MECOM: variants seen among roughly 807,000 people sequenced by gnomAD.
MECOM encodes MDS1 and EVI1 complex locus, also known as histone-lysine N-methyltransferase MECOM.
In MECOM, 13 loss-of-function variants were observed where a neutral mutation model predicts 116.3. The observed-to-expected ratio is 0.11, with a 90% CI of 0.07 to 0.18. MECOM has a LOEUF of 0.18. MECOM is among the 10% of genes least tolerant of loss of function. MECOM has a pLI of 1.00. For missense variants in MECOM, 1,299 were observed against 1,509.0 expected, an observed-to-expected ratio of 0.86 and a Z score of 2.31; for synonymous variants, 528 against 535.2, an observed-to-expected ratio of 0.99 and a Z score of 0.19.
chr3:169,611,373 C>T lies in MECOM; in HGVS notation c.37+51963G>A, dbSNP rs530669578. Among the ~76,000 whole-genome samples, 55 of 152,242 alleles carry T rather than the reference C, an allele frequency of 3.6e-4. No individual in the cohort carries two copies. The South Asian group carries it at 0.01, about 29-fold the overall frequency. ...TGGGATCCTGCAGCTCTCAACCATG[C>T]GGAGGAACGCTTCCATTCACACATT... On this transcript the variant is annotated intron_variant, in intron 1 of 16. Coordinates refer to ENST00000651503, the MANE Select transcript of MECOM (RefSeq NM_004991.4). The surrounding 1 kb of genome is among the most constrained non-coding windows in gnomAD (Gnocchi z 4.1).
At chr3:169,566,428 C>T (rs1763251557) in intron 1 of MECOM, among the ~76,000 whole-genome samples, 1 of 152,192 alleles carries the variant, frequency 6.6e-6, no homozygotes, top group Non-Finnish European at 1.5e-5. Context: ...GCCCTCTCTG[C>T]TCTGCAGATC....
intron 4 of MECOM, among the ~76,000 whole-genome samples, chr3:169,130,728 C>G (rs1473107872): frequency 6.6e-6 from 1 of 151,904 alleles, no homozygotes; most frequent in African/African-American, 2.4e-5. Flanking sequence ...TCTAAAGATG[C>G]CACTAGATTA....
intron 2 of MECOM, among the ~76,000 whole-genome samples, chr3:169,208,711 A>T (rs1750289863): frequency 6.6e-6 from 1 of 152,174 alleles, no homozygotes; most frequent in South Asian, 2.1e-4. Context: ...AAACAAATAG[A>T]AAAACATTCC....
intron 1 of MECOM, among the ~76,000 whole-genome samples, chr3:169,546,044 C>A (rs562604292): frequency 1.3e-5 from 2 of 152,318 alleles, no homozygotes; most frequent in East Asian, 3.9e-4. Context: ...TGTAAGGGAA[C>A]TAAATGAAGC....
intron 1 of MECOM, among the ~76,000 whole-genome samples, chr3:169,562,603 C>T (rs934255346): frequency 6.6e-6 from 1 of 152,156 alleles, no homozygotes; most frequent in Non-Finnish European, 1.5e-5. Context: ...ACCTTTCCGC[C>T]TCCTGGAAGA....
At chr3:169,398,573 A>G (rs1222531236) in intron 1 of MECOM, among the ~76,000 whole-genome samples, 6 of 152,214 alleles carry the variant, frequency 3.9e-5, no homozygotes, top group Non-Finnish European at 5.9e-5. Flanking sequence ...GACTGGTCAC[A>G]GTCAATGTGC....
At chr3:169,416,270 TGACTACTG>T (rs1738575809) in intron 1 of MECOM, among the ~76,000 whole-genome samples, 1 of 152,166 alleles carries the variant, frequency 6.6e-6, no homozygotes, top group Admixed American at 6.5e-5. Context: ...TGCTCCTGAA[TGACTACTG>T]GGTAAATAAT....
At chr3:169,198,625 T>C (rs1748753520) in intron 2 of MECOM, among the ~76,000 whole-genome samples, 1 of 152,024 alleles carries the variant, frequency 6.6e-6, no homozygotes, top group Non-Finnish European at 1.5e-5. Context: ...TCGCATACCT[T>C]ACCCACTGTT....
In MECOM at chr3:169,092,940, A is replaced by G. The variant is rs1424340541; in HGVS notation, c.3164+18T>C. 6.2e-7 allele frequency: 1 copy of G among 1,610,888 alleles called. No individual in the cohort carries two copies. Among genetic ancestry groups the G allele is most frequent in the Non-Finnish European group, 8.5e-7 (1 of 1,179,596 alleles). On this transcript the variant is annotated intron_variant, in intron 14 of 16. Coordinates refer to ENST00000651503, the MANE Select transcript of MECOM (RefSeq NM_004991.4). Reference sequence around the variant, plus strand: ...ATTTCAGTCGTCACAGAGTTTAAAAAGTAAAAGACAGCTTTACCTCTCCTC... The same window carrying G: ...ATTTCAGTCGTCACAGAGTTTAAAAGGTAAAAGACAGCTTTACCTCTCCTC...
intron 2 of MECOM, among the ~76,000 whole-genome samples, chr3:169,234,050 G>A (rs1445623825): frequency 6.6e-6 from 1 of 152,084 alleles, no homozygotes; most frequent in African/African-American, 2.4e-5. Context: ...CTTTTAAAAA[G>A]TGAAATGTAA....
At chr3:169,264,216 C>T (rs1452594662) in intron 2 of MECOM, among the ~76,000 whole-genome samples, 1 of 152,106 alleles carries the variant, frequency 6.6e-6, no homozygotes, top group African/African-American at 2.4e-5. Flanking sequence ...CTGCTACTTT[C>T]TTTTCCATAA....
intron 2 of MECOM, among the ~76,000 whole-genome samples, chr3:169,341,733 C>A (rs1283460893): frequency 3.5e-5 from 4 of 114,748 alleles, no homozygotes; most frequent in South Asian, 2.4e-4. Flanking sequence ...GAGTGAGACT[C>A]CCTCTCAAAA....
intron 6 of MECOM, among the ~76,000 whole-genome samples, chr3:169,121,512 TA>T (rs1286777286): frequency 2.2e-4 from 33 of 152,314 alleles, no homozygotes; most frequent in African/African-American, 7.7e-4. Context: ...TTGAGTTGAA[TA>T]ATAAAATGCT....
intron 1 of MECOM, among the ~76,000 whole-genome samples, chr3:169,495,519 T>C (rs962020119): frequency 6.6e-6 from 1 of 152,214 alleles, no homozygotes; most frequent in African/African-American, 2.4e-5. Context: ...GAAGAGACTA[T>C]ATTTTTCGAA....
At chr3:169,489,069 AT>A (rs1258926860) in intron 1 of MECOM, among the ~76,000 whole-genome samples, 3 of 152,132 alleles carry the variant, frequency 2.0e-5, no homozygotes, top group Non-Finnish European at 4.4e-5. Context: ...TACACAAGAG[AT>A]TTTTAAATGC....
chr3:169,479,183 A>G (rs1393339582), intron 1 of MECOM, among the ~76,000 whole-genome samples: 1 of 152,100 alleles, frequency 6.6e-6, no homozygotes, highest in Admixed American at 6.6e-5. Context: ...TTGACCAGCA[A>G]ATCTAACATA....
chr3:169,169,638 A>T (rs1744110787), intron 2 of MECOM, among the ~76,000 whole-genome samples: 1 of 152,186 alleles, frequency 6.6e-6, no homozygotes, highest in African/African-American at 2.4e-5. Context: ...TGTACTTAAA[A>T]AAAACCTTCA....
chr3:169,185,117 A>G (rs1017053715), intron 2 of MECOM, among the ~76,000 whole-genome samples: 1 of 152,208 alleles, frequency 6.6e-6, no homozygotes, highest in African/African-American at 2.4e-5. Flanking sequence ...ATTAAGCAAG[A>G]GGGTAGAAAT....
intron 1 of MECOM, among the ~76,000 whole-genome samples, chr3:169,429,595 A>G (rs1741273994): frequency 6.6e-6 from 1 of 152,240 alleles, no homozygotes; most frequent in East Asian, 1.9e-4. Context: ...GGGAGAAAAC[A>G]TCTTGAAAAT....
Sources: gnomAD v4.1 joint callset for allele counts (sites outside exome capture counted in the v4.1 genomes callset) on GRCh38, gnomAD v4.1.1 for gene constraint, Gnocchi (gnomAD v3.1) non-coding constraint, MANE v1.5 for transcripts, NCBI Gene and HGNC (gene_info 2026-07-23, HGNC 2026-07-21) for gene names.